MSH3: variants seen among roughly 807,000 people sequenced by gnomAD.
MSH3 encodes the protein DNA mismatch repair protein Msh3.
MSH3 carries 106 observed loss-of-function variants against 123.3 expected under a neutral mutation model. That is an observed-to-expected ratio of 0.86 (90% confidence interval 0.73 to 1.01). The LOEUF (loss-of-function observed/expected upper bound fraction) is 1.01, where lower values mean the gene tolerates loss of function less well. Ranked by LOEUF, MSH3 falls within the 50% of genes least tolerant of loss-of-function variation. The probability of loss-of-function intolerance (pLI) is 0.00; values close to 1 mark genes in which losing one functional copy is unlikely to be tolerated. For missense variants in MSH3, 1,459 were observed against 1,347.6 expected (o/e 1.08, Z -1.29); for synonymous variants, 515 against 481.4 (o/e 1.07, Z -0.91).
At chr5:80,768,266 A>G (rs1037714309) in intron 14 of MSH3, 146 bp downstream of exon 14, 21 of 832,912 alleles carry the variant, frequency 2.5e-5, no homozygotes, top group Non-Finnish European at 3.7e-5. Flanking sequence ...ATTGGACCCT[A>G]AAAGTGTTAC....
intron 22 of MSH3, among the ~76,000 whole-genome samples, chr5:80,872,199 G>T (rs1022119193): frequency 3.3e-5 from 5 of 152,112 alleles, no homozygotes; most frequent in African/African-American, 1.2e-4. Flanking sequence ...GCCTGGTATG[G>T]TGGTTCATGC....
intron 12 of MSH3, among the ~76,000 whole-genome samples, chr5:80,760,452 C>T (rs1744012371): frequency 1.3e-5 from 2 of 152,204 alleles, no homozygotes; most frequent in Non-Finnish European, 2.9e-5. Context: ...CAGCACTGAT[C>T]TCCTATGTAT....
Position 80,746,544 on chromosome 5 carries a change from G to A in MSH3, c.1763+1929G>A, listed in dbSNP as rs192394981. The A allele has an allele frequency of 5.0e-4, 220 of 438,364 alleles. 2 individuals are homozygous for A. The highest frequency in any genetic ancestry group is 4.4e-3 in the African/African-American group (214 of 49,178). 27.2% of individuals were successfully genotyped at this position (438,364 alleles called of 1,614,324 possible). On this transcript the variant is annotated intron_variant, in intron 12 of 23. Transcript: ENST00000265081. ...GTAGTACAAAAAGTATTCCTTGATC[G>A]ACTTTCAGGAATTGTTGGTCCTAAG... is the stretch of plus-strand genomic sequence containing the variant.
At position 80,768,025 on chromosome 5, in the gene MSH3, T is replaced by G. The variant is rs2112884399; in HGVS notation, c.1989T>G (p.Ile663Met). Reference protein sequence around the residue: ...QAIIPAVNSHIQSDLLRTVIL... With the variant: ...QAIIPAVNSHMQSDLLRTVIL... ...TAATACCTGCTGTTAATTCCCACAT[T>G]CAGTCAGACTTGCTCCGGACCGTTA... is the stretch of plus-strand genomic sequence containing the variant. Residue 663 changes from isoleucine to methionine, a missense_variant, in exon 14 of 24, where the codon ATT becomes ATG. Transcript: ENST00000265081. 1 of 1,613,726 alleles carries G rather than the reference T, an allele frequency of 6.2e-7. No individual in the cohort carries two copies. The highest frequency in any genetic ancestry group is 8.5e-7 in the Non-Finnish European group (1 of 1,179,722).
intron 10 of MSH3, among the ~76,000 whole-genome samples, chr5:80,732,768 T>C (rs1046431758): frequency 1.1e-4 from 17 of 152,222 alleles, no homozygotes; most frequent in African/African-American, 3.1e-4. Flanking sequence ...ATCTACCTTA[T>C]CAAAAACTAC....
Position 80,679,073 on chromosome 5 carries a change from C to T in MSH3, c.1320C>T (p.Ile440=), listed in dbSNP as rs61749609. ...SALSEQTEAL[I]HRATSVSVQD... is the part of the protein sequence containing the mutation. ...TGTCCGAGCAAACAGAGGCGCTCAT[C>T]CACAGAGCCACATCTGTTAGGTAAG... is the stretch of plus-strand genomic sequence containing the variant. Residue 440 remains isoleucine (I), a synonymous_variant, in exon 8 of 24, where the codon ATC becomes ATT. Transcript: ENST00000265081. 3.1e-6 allele frequency: 5 copies of T among 1,613,988 alleles called. No homozygotes were observed. The highest frequency in any genetic ancestry group is 4.2e-6 in the Non-Finnish European group (5 of 1,179,974).
chr5:80,734,007 A>G (rs1251518822), intron 10 of MSH3, among the ~76,000 whole-genome samples: 4 of 152,224 alleles, frequency 2.6e-5, no homozygotes, highest in Non-Finnish European at 4.4e-5. Flanking sequence ...ACAAATGTTC[A>G]TAAGAGCATT....
intron 13 of MSH3, among the ~76,000 whole-genome samples, chr5:80,767,316 G>A (rs539264907): frequency 2.0e-5 from 3 of 152,238 alleles, no homozygotes; most frequent in African/African-American, 7.2e-5. Flanking sequence ...TTTCAAAAAG[G>A]TTAGTCCTCT....
chr5:80,706,863 CA>C (rs1303166530), intron 8 of MSH3, among the ~76,000 whole-genome samples: 2 of 152,072 alleles, frequency 1.3e-5, no homozygotes, highest in African/African-American at 4.8e-5. Flanking sequence ...TATTTTTAAT[CA>C]ATTTTAATCA....
At chr5:80,718,649 GT>G (rs564529831) in intron 8 of MSH3, among the ~76,000 whole-genome samples, 92 of 143,862 alleles carry the variant, frequency 6.4e-4, no homozygotes, top group East Asian at 2.4e-3. Flanking sequence ...TAAAATTCAG[GT>G]TTTTTTTTTT....
At chr5:80,727,697 A>G (rs991622420) in intron 9 of MSH3, among the ~76,000 whole-genome samples, 1 of 152,200 alleles carries the variant, frequency 6.6e-6, no homozygotes, top group African/African-American at 2.4e-5. Context: ...TTGGGCATAC[A>G]ATAAGGAATA....
intron 10 of MSH3, among the ~76,000 whole-genome samples, chr5:80,729,460 G>GTGTGTGTGTGTGTGTATATATA: frequency 1.1e-5 from 1 of 95,022 alleles, no homozygotes; most frequent in African/African-American, 4.2e-5. Context: ...GTGTGTGTGT[G>GTGTGTGTGTGTGTGTATATATA]TATATATATA....
At chr5:80,871,864 C>T (rs1479231338) in intron 22 of MSH3, among the ~76,000 whole-genome samples, 1 of 152,106 alleles carries the variant, frequency 6.6e-6, no homozygotes, top group African/African-American at 2.4e-5. Context: ...TCTTTGGTGG[C>T]CATCTTAGAG....
At position 80,792,809 on chromosome 5, in the gene MSH3, C is replaced by T. The variant is rs2112026812; in HGVS notation, c.2620C>T (p.Gln874Ter). The change falls in exon 19 of 24, where the codon CAG becomes TAG. Residue 874 changes from glutamine to a stop codon, truncating the protein, a stop_gained. Coordinates refer to ENST00000265081, the MANE Select transcript of MSH3 (RefSeq NM_002439.5). LOFTEE classifies it high-confidence loss of function. ...TGTGATTGATGTGTTGCTGGGAGAA[C>T]AGGATCAATATGTCCCAAATAATAC... ...HPVIDVLLGE[Q>*]DQYVPNNTDL... 2 of 1,612,780 alleles carry T rather than the reference C, an allele frequency of 1.2e-6. No individual in the cohort carries two copies. Among genetic ancestry groups the T allele is most frequent in the East Asian group, 2.2e-5 (1 of 44,774 alleles).
chr5:80,750,715 A>AT (rs1743818474), intron 12 of MSH3, among the ~76,000 whole-genome samples: 1 of 152,042 alleles, frequency 6.6e-6, no homozygotes, highest in East Asian at 1.9e-4. Context: ...TGCTGTGCAG[A>AT]TTTTTAGTTT....
chr5:80,747,306 T>C (rs1184394355), intron 12 of MSH3, among the ~76,000 whole-genome samples: 1 of 152,168 alleles, frequency 6.6e-6, no homozygotes, highest in African/African-American at 2.4e-5. Context: ...CCAGGATTAA[T>C]TTGAGATAAA....
intron 8 of MSH3, among the ~76,000 whole-genome samples, chr5:80,696,160 C>G (rs1038313925): frequency 6.6e-6 from 1 of 152,186 alleles, no homozygotes; most frequent in African/African-American, 2.4e-5. Flanking sequence ...AGAAGGGAGT[C>G]TCAGTACTGC....
At chr5:80,767,862 T>C in intron 13 of MSH3, 71 bp from the exon 14 acceptor site, 2 of 1,222,838 alleles carry the variant, frequency 1.6e-6, no homozygotes, top group South Asian at 2.6e-5. Flanking sequence ...ATTCTAACTT[T>C]TAAAAGTCAC....
At chr5:80,684,656 G>A (rs1371712207) in intron 8 of MSH3, among the ~76,000 whole-genome samples, 1 of 152,044 alleles carries the variant, frequency 6.6e-6, no homozygotes, top group African/African-American at 2.4e-5. Flanking sequence ...CAATTTGGAT[G>A]CCCTTTATTT....
Sources: gnomAD v4.1 joint callset for allele counts (sites outside exome capture counted in the v4.1 genomes callset) on GRCh38, gnomAD v4.1.1 for gene constraint, MANE v1.5 for transcripts, NCBI Gene and HGNC (gene_info 2026-07-23, HGNC 2026-07-21) for gene names.